Variants in ELAVL4 observed in about 807,000 individuals in gnomAD.
ELAVL4 encodes the protein ELAV-like protein 4.
ELAVL4 carries 1 observed loss-of-function variant against 35.6 expected under a neutral mutation model. The observed-to-expected ratio is 0.03, with a 90% CI of 0.01 to 0.13. The LOEUF (loss-of-function observed/expected upper bound fraction) is 0.13, where lower values mean the gene tolerates loss of function less well. Among genes scored for constraint, ELAVL4 ranks in the 10% least tolerant of loss-of-function variants. The pLI is 1.00. For missense variants in ELAVL4, 267 were observed against 464.9 expected, an observed-to-expected ratio of 0.57 and a Z score of 3.91; for synonymous variants, 156 against 171.0, an observed-to-expected ratio of 0.91 and a Z score of 0.69.
chr1:50,160,462 A>T (rs560248355), intron 2 of ELAVL4, among the ~76,000 whole-genome samples: 10 of 152,034 alleles, frequency 6.6e-5, no homozygotes, highest in African/African-American at 2.4e-4. Context: ...CTTTCTTTTT[A>T]AACATTTGTT....
At chr1:50,131,054 T>C (rs1225095513) in intron 1 of ELAVL4, among the ~76,000 whole-genome samples, 2 of 152,152 alleles carry the variant, frequency 1.3e-5, no homozygotes, top group Non-Finnish European at 2.9e-5. Context: ...CAAATTTTCT[T>C]TGTATCTGTG....
At chr1:50,108,110 A>G (rs1666504372), upstream of ELAVL4, among the ~76,000 whole-genome samples, 3 of 152,350 alleles carry the variant, frequency 2.0e-5, no homozygotes, top group South Asian at 6.2e-4. Flanking sequence ...AATTCAGATC[A>G]TGTTCCTATC....
chr1:50,063,696 G>A (rs1664118177), intron 1 of ELAVL4, among the ~76,000 whole-genome samples: 2 of 152,010 alleles, frequency 1.3e-5, no homozygotes, highest in African/African-American at 4.8e-5. Flanking sequence ...TTTTCTTCTT[G>A]TCTGGACTGC....
chr1:50,144,871 T>C (rs1673416292), intron 1 of ELAVL4, 86 bp from the exon 2 acceptor site: 8 of 1,565,344 alleles, frequency 5.1e-6, no homozygotes, highest in African/African-American at 1.4e-5. Context: ...CTTCTCTTTC[T>C]TTTCAAAAAA....
intron 3 of ELAVL4, among the ~76,000 whole-genome samples, chr1:50,184,905 C>T (rs1681598388): frequency 1.3e-5 from 2 of 152,090 alleles, no homozygotes; most frequent in South Asian, 4.2e-4. Context: ...CTGCTCTGTC[C>T]AGCATAGTAG....
chr1:50,053,152 T>C (rs1663478565), intron 1 of ELAVL4, among the ~76,000 whole-genome samples: 1 of 152,230 alleles, frequency 6.6e-6, no homozygotes, highest in Non-Finnish European at 1.5e-5. Context: ...GTAATGAAGG[T>C]TAATCATCAC....
chr1:50,191,408 G>A (rs1263330965), intron 3 of ELAVL4, among the ~76,000 whole-genome samples: 1 of 152,172 alleles, frequency 6.6e-6, no homozygotes, highest in Non-Finnish European at 1.5e-5. Flanking sequence ...CTGACTCTCA[G>A]TGGTCCACCT....
At chr1:50,137,059 G>A (rs1386848547) in intron 1 of ELAVL4, among the ~76,000 whole-genome samples, 1 of 152,188 alleles carries the variant, frequency 6.6e-6, no homozygotes, top group Non-Finnish European at 1.5e-5. Context: ...TGTAGGTAAA[G>A]TGGAGGGGAT....
intron 1 of ELAVL4, among the ~76,000 whole-genome samples, chr1:50,131,855 A>G (rs1670909775): frequency 6.6e-6 from 1 of 151,880 alleles, no homozygotes; most frequent in South Asian, 2.1e-4. Context: ...GAGGATTTTA[A>G]AAAGATAAAT....
rs79087686 is a variant in ELAVL4 at position 50,122,758 on chromosome 1, C to A, written c.9+13560C>A. ...AGAATGATAAATGGAAGGTGGGCTT[C>A]CTTAGAATGGAAAATTGTTATTATC... On this transcript the variant is annotated intron_variant, in intron 1 of 6. Transcript: ENST00000371824. 3.7e-3 allele frequency among the ~76,000 whole-genome samples: 565 copies of A among 152,130 alleles called. 4 individuals carry two copies. The highest frequency in any genetic ancestry group is 6.0e-3 in the Non-Finnish European group (407 of 67,962).
upstream of ELAVL4, chr1:50,104,018 A>G (rs368066450): frequency 1.1e-3 from 1,761 of 1,613,898 alleles, 2 homozygotes; most frequent in Non-Finnish European, 1.4e-3. Flanking sequence ...TAGCCACATC[A>G]CTGGATAGCC....
At chr1:50,189,799 A>G (rs1328990630) in intron 3 of ELAVL4, among the ~76,000 whole-genome samples, 1 of 152,218 alleles carries the variant, frequency 6.6e-6, no homozygotes, top group African/African-American at 2.4e-5. Flanking sequence ...CCATCAAAGG[A>G]TAATTGACCC....
At position 50,113,025 on chromosome 1, in the gene ELAVL4, T is replaced by G. The variant is rs936879879; in HGVS notation, c.9+3827T>G. On this transcript the variant is annotated intron_variant, in intron 1 of 6. Coordinates refer to ENST00000371824, the MANE Select transcript of ELAVL4 (RefSeq NM_001144774.3). ...GTCTTGAAATTGGATTTGGGACACT[T>G]TGGACTTCAGATATTTTAAACTTAG... 2.0e-5 allele frequency among the ~76,000 whole-genome samples: 3 copies of G among 152,098 alleles called. No individual in the cohort carries two copies. The South Asian group carries it at 6.2e-4, about 32-fold the overall frequency.
chr1:50,066,689 G>GTATGAT (rs1389899326), intron 1 of ELAVL4, among the ~76,000 whole-genome samples: 1 of 152,146 alleles, frequency 6.6e-6, no homozygotes, highest in Non-Finnish European at 1.5e-5. Flanking sequence ...AGTCCTGTCT[G>GTATGAT]TATGATTTTT....
chr1:50,130,741 A>G (rs1371798194), intron 1 of ELAVL4, among the ~76,000 whole-genome samples: 1 of 152,114 alleles, frequency 6.6e-6, no homozygotes, highest in Non-Finnish European at 1.5e-5. Flanking sequence ...CTGGCATTCA[A>G]CATAATGGTT....
At chr1:50,079,750 T>G (rs1664927069) in intron 1 of ELAVL4, among the ~76,000 whole-genome samples, 1 of 152,216 alleles carries the variant, frequency 6.6e-6, no homozygotes, top group African/African-American at 2.4e-5. Flanking sequence ...AAGCATACTG[T>G]AAGGTGTTAA....
chr1:50,202,862 T>C lies in ELAVL4; in HGVS notation c.*1684T>C, dbSNP rs1644440837. 1.3e-5 allele frequency: 2 copies of C among 152,174 alleles called. No individual in the cohort carries two copies. The highest frequency in any genetic ancestry group is 4.8e-5 in the African/African-American group (2 of 41,440). 9.4% of individuals were successfully genotyped at this position (152,174 alleles called of 1,614,324 possible). A position where few individuals can be genotyped will look rare whatever the true frequency, so the allele number is the denominator to read the frequency against. On this transcript the variant is annotated 3_prime_UTR_variant, in exon 7 of 7. Coordinates refer to ENST00000371824, the MANE Select transcript of ELAVL4 (RefSeq NM_001144774.3). ...CATGTTTGTTGTGAATATTTTTTCT[T>C]ACTGCACAGTAGAAAAATAAAAACA...
intron 2 of ELAVL4, among the ~76,000 whole-genome samples, chr1:50,149,387 T>C (rs1325828519): frequency 6.7e-6 from 1 of 149,674 alleles, no homozygotes; most frequent in Non-Finnish European, 1.5e-5. Flanking sequence ...CGAAACTCTG[T>C]CTCAAAAAAA....
intron 1 of ELAVL4, among the ~76,000 whole-genome samples, chr1:50,055,466 A>AT (rs929378520): frequency 1.3e-5 from 2 of 151,508 alleles, no homozygotes; most frequent in African/African-American, 4.8e-5. Flanking sequence ...CACCCAGCTA[A>AT]TTTTTTGTAT....
Sources: allele counts gnomAD v4.1 joint callset (sites outside exome capture counted in the v4.1 genomes callset), GRCh38; gene constraint gnomAD v4.1.1; transcripts MANE v1.5; gene names NCBI Gene and HGNC (gene_info 2026-07-23, HGNC 2026-07-21).